Variants in COL8A2 observed in about 807,000 individuals in gnomAD.
COL8A2 encodes collagen alpha-2(VIII) chain.
A neutral mutation model predicts 24.0 loss-of-function variants in COL8A2; 16 were observed. The observed-to-expected ratio is 0.67, with a 90% CI of 0.45 to 1.01. The LOEUF is 1.01. Among genes scored for constraint, COL8A2 ranks in the 50% least tolerant of loss-of-function variants. The pLI is 0.00. For synonymous variants in COL8A2, 466 were observed against 424.5 expected (o/e 1.10, Z -1.20); for missense variants, 818 against 942.4 (o/e 0.87, Z 1.73).
intron 2 of COL8A2, among the ~76,000 whole-genome samples, chr1:36,101,113 C>T (rs1442676540): frequency 6.6e-6 from 1 of 151,982 alleles, no homozygotes; most frequent in Non-Finnish European, 1.5e-5. Flanking sequence ...AGGCTGGTCT[C>T]GAACTCCTGA....
intron 2 of COL8A2, among the ~76,000 whole-genome samples, chr1:36,109,241 G>A (rs1269433293): frequency 6.6e-6 from 1 of 152,174 alleles, no homozygotes; most frequent in Non-Finnish European, 1.5e-5. Flanking sequence ...TGCCCTGCTT[G>A]CTCACCCGCC....
rs916554651 is a variant in COL8A2, at chr1:36,123,125, C to T, written c.-62+1932G>A. 2.0e-5 allele frequency among the ~76,000 whole-genome samples: 3 copies of T among 152,198 alleles called. No homozygotes were observed. Among genetic ancestry groups the T allele is most frequent in the Non-Finnish European group, 2.9e-5 (2 of 68,034 alleles). The stretch of plus-strand genomic sequence containing the variant: ...CCTCCTCGGGTACCTAGTAGGGCAC[C>T]GTGAGACCACAGCCACACCCCAGAG... On this transcript the variant is annotated intron_variant, in intron 1 of 3. Coordinates refer to ENST00000397799, the MANE Select transcript of COL8A2 (RefSeq NM_005202.4). This position sits in a 1 kb window ranked among gnomAD's most constrained non-coding sequence, Gnocchi z 4.1.
chr1:36,116,405 C>T (rs980465068), intron 1 of COL8A2, among the ~76,000 whole-genome samples: 2 of 152,238 alleles, frequency 1.3e-5, no homozygotes, highest in Non-Finnish European at 1.5e-5. Context: ...CATATGTCAG[C>T]TCTGGTTTGG....
chr1:36,097,609 A>C lies in COL8A2; in HGVS notation c.2072T>G (p.Ile691Ser). Residue 691 changes from isoleucine (I) to serine (S), a missense_variant, in exon 4 of 4, where the codon ATC (isoleucine) becomes AGC (serine). Physicochemically the swap from Ile to Ser is moderately radical, Grantham distance 142. Transcript: ENST00000397799. ...QANGLYSTEYIHSSFSGFLLC... is the reference protein window; with the variant it reads ...QANGLYSTEYSHSSFSGFLLC... ...CAAGAATCCTGAAAAGGAGGAGTGG[A>C]TGTACTCCGTGGAGTAGAGGCCGTT... 1 of 1,612,718 alleles carries C rather than the reference A, an allele frequency of 6.2e-7. No individual in the cohort carries two copies. The highest frequency in any genetic ancestry group is 1.1e-5 in the South Asian group (1 of 91,058).
intron 2 of COL8A2, among the ~76,000 whole-genome samples, chr1:36,110,359 G>T (rs1288293914): frequency 6.6e-6 from 1 of 151,548 alleles, no homozygotes; most frequent in Non-Finnish European, 1.5e-5. Context: ...TGACCTGGAA[G>T]TCCTCTCTTC....
Position 36,123,870 on chromosome 1 carries a change from C to A in COL8A2, c.-62+1187G>T, listed in dbSNP as rs1223653909. ...GTCCACTGGGAAGCCAGTGACAGCACCTGTGCCCTGATGGAGACCACCAAC... is the reference window on the plus strand; with the variant it reads ...GTCCACTGGGAAGCCAGTGACAGCAACTGTGCCCTGATGGAGACCACCAAC... On this transcript the variant is annotated intron_variant, in intron 1 of 3. Coordinates refer to ENST00000397799, the MANE Select transcript of COL8A2 (RefSeq NM_005202.4). The surrounding 1 kb of genome is among the most constrained non-coding windows in gnomAD (Gnocchi z 4.1). Among the ~76,000 whole-genome samples the A allele has an allele frequency of 6.6e-6, 1 of 152,092 alleles. No individual in the cohort carries two copies. Among genetic ancestry groups the A allele is most frequent in the Non-Finnish European group, 1.5e-5 (1 of 68,028 alleles).
chr1:36,122,915 C>G (rs562251553), intron 1 of COL8A2, among the ~76,000 whole-genome samples: 228 of 152,232 alleles, frequency 1.5e-3, no homozygotes, highest in African/African-American at 4.9e-3. Flanking sequence ...TACTCACTGT[C>G]CCTGAGAGAA....
At chr1:36,103,855 A>G (rs1466493712) in intron 2 of COL8A2, among the ~76,000 whole-genome samples, 1 of 150,682 alleles carries the variant, frequency 6.6e-6, no homozygotes, top group South Asian at 2.2e-4. Context: ...AAGTGCTGGG[A>G]TTACAGACGT....
At chr1:36,113,406 T>C (rs936189672) in intron 2 of COL8A2, among the ~76,000 whole-genome samples, 14 of 152,244 alleles carry the variant, frequency 9.2e-5, no homozygotes, top group Admixed American at 4.6e-4. Flanking sequence ...TGTAAATCTC[T>C]AGCTGTTGGT....
At chr1:36,120,832 T>C (rs996299696) in intron 1 of COL8A2, among the ~76,000 whole-genome samples, 6 of 151,010 alleles carry the variant, frequency 4.0e-5, no homozygotes, top group South Asian at 2.1e-4. Context: ...CTAACACCTA[T>C]AATCCCAGCA....
At chr1:36,108,243 T>C (rs1643789168) in intron 2 of COL8A2, among the ~76,000 whole-genome samples, 3 of 152,168 alleles carry the variant, frequency 2.0e-5, no homozygotes. Context: ...AACCATGTGC[T>C]CTGGGATTAG....
At chr1:36,117,280 C>A (rs1228822316) in intron 1 of COL8A2, among the ~76,000 whole-genome samples, 1 of 152,224 alleles carries the variant, frequency 6.6e-6, no homozygotes, top group Admixed American at 6.5e-5. Flanking sequence ...GATGATGGAG[C>A]CCAGGTAGGA....
At chr1:36,114,211 C>T (rs893499519) in intron 2 of COL8A2, among the ~76,000 whole-genome samples, 4 of 148,938 alleles carry the variant, frequency 2.7e-5, no homozygotes, top group Non-Finnish European at 3.0e-5. Flanking sequence ...CCCAGCTACT[C>T]GGGAGGCTGA....
chr1:36,106,312 G>A (rs1258530316), intron 2 of COL8A2, among the ~76,000 whole-genome samples: 4 of 151,774 alleles, frequency 2.6e-5, no homozygotes, highest in Non-Finnish European at 5.9e-5. Context: ...GCCTGAGGGG[G>A]CCACTCGCCA....
Position 36,098,322 on chromosome 1 carries a change from A to G in COL8A2, c.1359T>C (p.Pro453=), listed in dbSNP as rs1643609943. ...ALGQKGDLGL[P]GQPGLRGPSG... is the part of the protein sequence containing the mutation. ...AGGGACCCCTCAGGCCAGGCTGCCC[A>G]GGGAGCCCCAAGTCACCTTTCTGCC... Residue 453 remains proline, a synonymous_variant, in exon 4 of 4, where the codon CCT becomes CCC. Transcript: ENST00000397799. 2.6e-6 allele frequency: 4 copies of G among 1,548,466 alleles called. No homozygotes were observed. The highest frequency in any genetic ancestry group is 3.5e-6 in the Non-Finnish European group (4 of 1,146,676).
intron 2 of COL8A2, among the ~76,000 whole-genome samples, chr1:36,113,276 C>T (rs570207387): frequency 2.0e-5 from 3 of 152,306 alleles, no homozygotes; most frequent in South Asian, 2.1e-4. Flanking sequence ...TGTCTCTGTG[C>T]GTCTCTCTCA....
At chr1:36,105,492 C>G (rs1259220015) in intron 2 of COL8A2, among the ~76,000 whole-genome samples, 1 of 152,242 alleles carries the variant, frequency 6.6e-6, no homozygotes, top group Non-Finnish European at 1.5e-5. Flanking sequence ...GCACAGGCTG[C>G]CCGCCTCACC....
rs74066026 is a variant in COL8A2 at position 36,123,336 on chromosome 1, C to T, written c.-62+1721G>A. 0.014 allele frequency among the ~76,000 whole-genome samples: 2,182 copies of T among 152,340 alleles called. 46 individuals carry two copies. The highest frequency in any genetic ancestry group is 0.048 in the African/African-American group (2,005 of 41,574). Reference sequence around the variant, plus strand: ...AGCTGGGGCTGTGCGTCCTTTGTTCCGGCTCAGGCAGGAGCAGAGAAGGTA... The same window carrying T: ...AGCTGGGGCTGTGCGTCCTTTGTTCTGGCTCAGGCAGGAGCAGAGAAGGTA... On this transcript the variant is annotated intron_variant, in intron 1 of 3. Coordinates refer to ENST00000397799, the MANE Select transcript of COL8A2 (RefSeq NM_005202.4). This position sits in a 1 kb window ranked among gnomAD's most constrained non-coding sequence, Gnocchi z 4.1.
At chr1:36,114,099 A>G (rs540513487) in intron 2 of COL8A2, among the ~76,000 whole-genome samples, 2 of 152,104 alleles carry the variant, frequency 1.3e-5, no homozygotes. Context: ...CAGGCAGATC[A>G]TGAGGTCAGG....
Sources: gnomAD v4.1 joint callset for allele counts (sites outside exome capture counted in the v4.1 genomes callset) on GRCh38, gnomAD v4.1.1 for gene constraint, Gnocchi (gnomAD v3.1) non-coding constraint, MANE v1.5 for transcripts, NCBI Gene and HGNC (gene_info 2026-07-23, HGNC 2026-07-21) for gene names.